Variants in TANC2 observed in about 807,000 individuals in gnomAD.
TANC2 encodes the protein tetratricopeptide repeat, ankyrin repeat and coiled-coil containing 2, also known as protein TANC2.
A neutral mutation model predicts 210.5 loss-of-function variants in TANC2; 26 were observed. The ratio of observed to expected loss-of-function variants is 0.12; its 90% CI spans 0.09 to 0.17. The LOEUF (loss-of-function observed/expected upper bound fraction) is 0.17, where lower values mean the gene tolerates loss of function less well. Among genes scored for constraint, TANC2 ranks in the 10% least tolerant of loss-of-function variants. TANC2 has a pLI of 1.00. For missense variants in TANC2, 2,129 were observed against 2,608.9 expected, an observed-to-expected ratio of 0.82 and a Z score of 4.01; for synonymous variants, 931 against 967.1, an observed-to-expected ratio of 0.96 and a Z score of 0.69.
At chr17:63,125,768 T>C (rs746126492) in intron 4 of TANC2, among the ~76,000 whole-genome samples, 4 of 152,240 alleles carry the variant, frequency 2.6e-5, no homozygotes, top group Non-Finnish European at 4.4e-5. Flanking sequence ...CACATTGTTA[T>C]GATATAATGA....
rs756812157 is a variant in TANC2 at position 63,339,933 on chromosome 17, A to C, written c.1576-168A>C. ...ACATAAATCAGACGTTTTCTGAGTT[A>C]GTAGCTTTTATATTTACTTGGAAAA... On this transcript the variant is annotated intron_variant, in intron 11 of 27. Transcript: ENST00000689528. Among the ~76,000 whole-genome samples, 42 of 152,200 alleles carry C rather than the reference A, an allele frequency of 2.8e-4. 1 individual carries two copies. Among genetic ancestry groups the C allele is most frequent in the Admixed American group, 1.3e-4 (2 of 15,270 alleles).
intron 2 of TANC2, among the ~76,000 whole-genome samples, chr17:63,016,836 G>A (rs923044019): frequency 4.6e-5 from 7 of 151,988 alleles, no homozygotes; most frequent in East Asian, 1.9e-4. Context: ...ATTAATGATC[G>A]TTTTATGTCT....
At chr17:63,205,362 A>AAAAAC (rs1567813527) in intron 7 of TANC2, among the ~76,000 whole-genome samples, 1 of 147,568 alleles carries the variant, frequency 6.8e-6, no homozygotes, top group Non-Finnish European at 1.5e-5. Context: ...AAAAAAAAAA[A>AAAAAC]AAAAAAAAAA....
At chr17:63,076,289 G>C (rs1185009065) in intron 3 of TANC2, among the ~76,000 whole-genome samples, 1 of 152,170 alleles carries the variant, frequency 6.6e-6, no homozygotes, top group Non-Finnish European at 1.5e-5. Flanking sequence ...GTTGAGGGCA[G>C]AAGTCCCATG....
intron 9 of TANC2, among the ~76,000 whole-genome samples, chr17:63,308,355 G>C (rs1446406077): frequency 6.6e-6 from 1 of 152,022 alleles, no homozygotes; most frequent in Non-Finnish European, 1.5e-5. Context: ...TGTCTCCCTT[G>C]TTCAGGCCTT....
chr17:63,319,050 G>A (rs770485904), exon 11 of TANC2: 29 of 1,613,308 alleles, frequency 1.8e-5, no homozygotes, highest in Admixed American at 6.7e-5. Context: ...CCGGAAATGC[G>A]CAGGCGGCAG....
chr17:63,153,662 C>T (rs935603504), intron 5 of TANC2: 1 of 152,108 alleles, frequency 6.6e-6, no homozygotes, highest in Non-Finnish European at 1.5e-5. Context: ...GCAGGCTACT[C>T]ACTGTACAGT....
intron 14 of TANC2, among the ~76,000 whole-genome samples, chr17:63,365,261 A>G (rs1288801687): frequency 6.6e-6 from 1 of 152,034 alleles, no homozygotes; most frequent in Non-Finnish European, 1.5e-5. Flanking sequence ...CAACACTAAT[A>G]GCGTTCCATC....
chr17:63,374,461 A>G (rs1342601111), intron 14 of TANC2, among the ~76,000 whole-genome samples: 2 of 152,152 alleles, frequency 1.3e-5, no homozygotes, highest in Non-Finnish European at 2.9e-5. Context: ...CCACGTGTGG[A>G]GTAGAGCAAC....
intron 26 of TANC2, 88 bp downstream of exon 26, chr17:63,415,762 C>T: frequency 6.7e-7 from 1 of 1,481,762 alleles, no homozygotes; most frequent in Non-Finnish European, 9.1e-7. Flanking sequence ...CCCCTGAAAT[C>T]CTCCTCTGCC....
intron 15 of TANC2, among the ~76,000 whole-genome samples, chr17:63,384,830 T>A (rs1453659803): frequency 9.9e-5 from 15 of 152,174 alleles, no homozygotes; most frequent in African/African-American, 3.6e-4. Context: ...GGAAAATGGT[T>A]TGGAATTAAA....
rs764863489 is a variant in TANC2 at position 63,074,038 on chromosome 17, T to C, written c.139+24T>C. The C allele has an allele frequency of 5.3e-5, 81 of 1,540,768 alleles. 1 individual carries two copies. Among genetic ancestry groups the C allele is most frequent in the Non-Finnish European group, 1.3e-5 (15 of 1,140,548 alleles). On this transcript the variant is annotated intron_variant, in intron 3 of 27. Transcript: ENST00000689528. ...AGGTAAATTTTCATCAGATTGATTATTAAATTTCAAAAAATAACGATAGAT... is the reference window on the plus strand; with the variant it reads ...AGGTAAATTTTCATCAGATTGATTACTAAATTTCAAAAAATAACGATAGAT...
intron 14 of TANC2, among the ~76,000 whole-genome samples, chr17:63,376,816 T>TC (rs1320300665): frequency 2.2e-5 from 3 of 134,874 alleles, no homozygotes; most frequent in Admixed American, 7.3e-5. Context: ...ACTGTACTCT[T>TC]TTTTTTTTTT....
At chr17:63,034,088 G>T (rs1398223162) in intron 2 of TANC2, among the ~76,000 whole-genome samples, 1 of 152,168 alleles carries the variant, frequency 6.6e-6, no homozygotes, top group Non-Finnish European at 1.5e-5. Flanking sequence ...GATTTTCAAT[G>T]TAGATGAAAC....
intron 2 of TANC2, among the ~76,000 whole-genome samples, chr17:63,011,965 TTCTCTCCTA>T (rs992539761): frequency 1.3e-5 from 2 of 151,858 alleles, no homozygotes; most frequent in African/African-American, 4.8e-5. Context: ...CTATGCTTCT[TTCTCTCCTA>T]TCTTTCTTTT....
At chr17:63,422,122 C>T (rs1432455504) in exon 28 of TANC2, 25 of 822,342 alleles carry the variant, frequency 3.0e-5, no homozygotes, top group Non-Finnish European at 3.8e-5. Flanking sequence ...GACTGGGAAG[C>T]GGCCTCCCGG....
At chr17:63,195,487 T>C (rs902759942) in intron 6 of TANC2, among the ~76,000 whole-genome samples, 2 of 152,154 alleles carry the variant, frequency 1.3e-5, no homozygotes, top group African/African-American at 4.8e-5. Flanking sequence ...TTCTCACTAT[T>C]CCCACTGCTA....
chr17:63,078,607 T>A (rs1397611873), intron 3 of TANC2, among the ~76,000 whole-genome samples: 1 of 152,188 alleles, frequency 6.6e-6, no homozygotes, highest in Non-Finnish European at 1.5e-5. Flanking sequence ...AGTATTTTCA[T>A]TTAGTTCAAA....
chr17:63,293,000 T>C (rs1445527711), intron 9 of TANC2, among the ~76,000 whole-genome samples: 1 of 152,220 alleles, frequency 6.6e-6, no homozygotes, highest in Non-Finnish European at 1.5e-5. Flanking sequence ...TCTGCTTTAT[T>C]TATTCTAATT....
Sources: allele counts gnomAD v4.1 joint callset (sites outside exome capture counted in the v4.1 genomes callset), GRCh38; gene constraint gnomAD v4.1.1; transcripts MANE v1.5; gene names NCBI Gene and HGNC (gene_info 2026-07-23, HGNC 2026-07-21).